CDH13: variants seen among roughly 807,000 people sequenced by gnomAD.
The protein encoded by CDH13 is cadherin 13, also known as cadherin-13.
CDH13 carries 24 observed loss-of-function variants against 63.8 expected under a neutral mutation model. The observed-to-expected ratio is 0.38, with a 90% CI of 0.27 to 0.53. The LOEUF is 0.53. CDH13 is among the 20% of genes least tolerant of loss of function. The pLI, the probability that CDH13 is intolerant of heterozygous loss-of-function variation, is 0.85. For missense variants in CDH13, 1,049 were observed against 903.1 expected, an observed-to-expected ratio of 1.16 and a Z score of -2.07; for synonymous variants, 503 against 355.3, an observed-to-expected ratio of 1.42 and a Z score of -4.67.
At chr16:82,750,073 A>T (rs1335514485) in intron 1 of CDH13, among the ~76,000 whole-genome samples, 1 of 152,132 alleles carries the variant, frequency 6.6e-6, no homozygotes, top group Non-Finnish European at 1.5e-5. Context: ...TTGCACCAAA[A>T]AGAGACTCTC....
At chr16:82,884,436 T>C (rs1209637878) in intron 2 of CDH13, 7 of 308,842 alleles carry the variant, frequency 2.3e-5, no homozygotes, top group Admixed American at 4.0e-5. Context: ...GCAAGATGCT[T>C]AGTTAACAGC....
chr16:82,919,973 TAGAA>T (rs1347838931), intron 2 of CDH13, among the ~76,000 whole-genome samples: 6 of 152,222 alleles, frequency 3.9e-5, no homozygotes, highest in Non-Finnish European at 5.9e-5. Context: ...ATTTGTTTGA[TAGAA>T]AGAGTAATAT....
intron 1 of CDH13, among the ~76,000 whole-genome samples, chr16:82,778,570 G>GAAAAAAAAAAAA (rs11350020): frequency 1.2e-5 from 1 of 85,786 alleles, no homozygotes; most frequent in African/African-American, 4.7e-5. Flanking sequence ...ATCACGACCA[G>GAAAAAAAAAAAA]AAAAAAAAAA....
intron 12 of CDH13, among the ~76,000 whole-genome samples, chr16:83,781,563 C>T (rs994149560): frequency 6.6e-6 from 1 of 151,886 alleles, no homozygotes; most frequent in Admixed American, 6.6e-5. Context: ...GTGCCTTTTG[C>T]TTGTTATTGA....
At chr16:82,909,959 C>A (rs1273225686) in intron 2 of CDH13, among the ~76,000 whole-genome samples, 4 of 152,156 alleles carry the variant, frequency 2.6e-5, no homozygotes, top group African/African-American at 9.7e-5. Context: ...TTTATTAATA[C>A]CTTCCCTCCC....
intron 2 of CDH13, among the ~76,000 whole-genome samples, chr16:82,926,613 CA>C (rs768531655): frequency 1.3e-5 from 2 of 152,182 alleles, no homozygotes; most frequent in Non-Finnish European, 2.9e-5. Flanking sequence ...GAGGGAGGCA[CA>C]GAAGCTCACA....
chr16:83,050,741 G>C (rs1186048532), intron 3 of CDH13, among the ~76,000 whole-genome samples: 1 of 152,120 alleles, frequency 6.6e-6, no homozygotes, highest in African/African-American at 2.4e-5. Flanking sequence ...GGGGTTAACT[G>C]TGTGTTTCTG....
chr16:83,460,045 A>G (rs1297480594), intron 6 of CDH13, among the ~76,000 whole-genome samples: 3 of 152,218 alleles, frequency 2.0e-5, no homozygotes, highest in Non-Finnish European at 2.9e-5. Flanking sequence ...TATATAAAGA[A>G]CTTCTAAACT....
chr16:82,836,895 C>T (rs541141478), intron 1 of CDH13, among the ~76,000 whole-genome samples: 2 of 152,196 alleles, frequency 1.3e-5, no homozygotes, highest in East Asian at 1.9e-4. Context: ...GGTGAATATG[C>T]AGTCCCTTTA....
Position 83,345,941 on chromosome 16 carries a change from G to A in CDH13, c.781+935G>A, listed in dbSNP as rs562138720. On this transcript the variant is annotated intron_variant, in intron 6 of 13. Transcript: ENST00000567109. ...TTTTCCCCCTTTTCTGAATTGATGG[G>A]ATCTATCAGTGACATGTAGATACAT... is the stretch of plus-strand genomic sequence containing the variant. Among the ~76,000 whole-genome samples, 4 of 152,180 alleles carry A rather than the reference G, an allele frequency of 2.6e-5. No individual in the cohort carries two copies. In the East Asian group the frequency reaches 7.7e-4, roughly 29 times the overall value.
At chr16:82,648,240 A>C (rs1318452247) in intron 1 of CDH13, among the ~76,000 whole-genome samples, 1 of 152,236 alleles carries the variant, frequency 6.6e-6, no homozygotes, top group East Asian at 1.9e-4. Flanking sequence ...GAAGTAATAC[A>C]CATCTGAGAA....
At chr16:82,751,474 A>G (rs2034411493) in intron 1 of CDH13, among the ~76,000 whole-genome samples, 1 of 152,048 alleles carries the variant, frequency 6.6e-6, no homozygotes, top group African/African-American at 2.4e-5. Flanking sequence ...CAAGGCACAC[A>G]CTGACCTCCT....
intron 10 of CDH13, among the ~76,000 whole-genome samples, chr16:83,712,826 T>C (rs1439424630): frequency 6.6e-6 from 1 of 152,214 alleles, no homozygotes; most frequent in African/African-American, 2.4e-5. Context: ...AATAAAAGCA[T>C]AGAGGAGTAT....
intron 3 of CDH13, among the ~76,000 whole-genome samples, chr16:83,101,702 G>A (rs923864924): frequency 2.0e-5 from 3 of 152,202 alleles, no homozygotes; most frequent in African/African-American, 7.2e-5. Flanking sequence ...GCTGAGGAAG[G>A]ATAATCAATT....
chr16:83,339,857 C>T (rs2090683275), intron 5 of CDH13, among the ~76,000 whole-genome samples: 1 of 152,198 alleles, frequency 6.6e-6, no homozygotes, highest in Non-Finnish European at 1.5e-5. Context: ...ACATAAATTC[C>T]TAAAGAATCT....
chr16:83,467,093 C>G (rs2073334839), intron 6 of CDH13, among the ~76,000 whole-genome samples: 1 of 152,162 alleles, frequency 6.6e-6, no homozygotes, highest in African/African-American at 2.4e-5. Context: ...AAATTTACTT[C>G]TCGATACAAG....
chr16:83,035,297 C>T (rs1261899554), intron 3 of CDH13, among the ~76,000 whole-genome samples: 4 of 152,036 alleles, frequency 2.6e-5, no homozygotes, highest in Admixed American at 1.3e-4. Flanking sequence ...CGAATGTGTG[C>T]ATTGATGCTT....
intron 2 of CDH13, among the ~76,000 whole-genome samples, chr16:82,991,438 C>G (rs955467411): frequency 6.6e-6 from 1 of 152,094 alleles, no homozygotes; most frequent in African/African-American, 2.4e-5. Context: ...TTATCTTTAA[C>G]ACAGATTTCA....
At chr16:82,807,381 GTT>G (rs1851377167) in intron 1 of CDH13, among the ~76,000 whole-genome samples, 1 of 152,158 alleles carries the variant, frequency 6.6e-6, no homozygotes, top group Non-Finnish European at 1.5e-5. Context: ...CTCTTTGGCA[GTT>G]TGGGCGGCCT....
Sources: allele counts gnomAD v4.1 joint callset (sites outside exome capture counted in the v4.1 genomes callset), GRCh38; gene constraint gnomAD v4.1.1; transcripts MANE v1.5; gene names NCBI Gene and HGNC (gene_info 2026-07-23, HGNC 2026-07-21).